Variants in DROSHA observed in about 807,000 individuals in gnomAD.
DROSHA encodes drosha ribonuclease III.
A neutral mutation model predicts 181.9 loss-of-function variants in DROSHA; 56 were observed. The observed-to-expected ratio is 0.31, with a 90% CI of 0.25 to 0.38. The LOEUF (loss-of-function observed/expected upper bound fraction) is 0.38. Ranked by LOEUF, DROSHA falls within the 10% of genes least tolerant of loss-of-function variation. The pLI, the probability that DROSHA is intolerant of heterozygous loss-of-function variation, is 1.00. For synonymous variants in DROSHA, 524 were observed against 591.2 expected, an observed-to-expected ratio of 0.89 and a Z score of 1.65; for missense variants, 1,218 against 1,743.5, an observed-to-expected ratio of 0.70 and a Z score of 5.37.
intron 6 of DROSHA, among the ~76,000 whole-genome samples, chr5:31,517,119 T>C (rs1739352459): frequency 6.6e-6 from 1 of 152,232 alleles, no homozygotes; most frequent in Non-Finnish European, 1.5e-5. Context: ...TTTATCAATA[T>C]TGAAATGAAT....
intron 23 of DROSHA, among the ~76,000 whole-genome samples, chr5:31,446,955 G>T (rs370621456): frequency 6.6e-6 from 1 of 152,122 alleles, no homozygotes; most frequent in South Asian, 2.1e-4. Context: ...CGTGAGAATC[G>T]CTTGAACCCA....
chr5:31,474,321 A>T (rs1282677803), intron 16 of DROSHA, among the ~76,000 whole-genome samples: 3 of 151,852 alleles, frequency 2.0e-5, no homozygotes, highest in African/African-American at 7.3e-5. Flanking sequence ...AGTGTTATGG[A>T]CTCAATGTTT....
chr5:31,482,057 CT>C (rs1751090536), intron 16 of DROSHA, among the ~76,000 whole-genome samples: 1 of 152,164 alleles, frequency 6.6e-6, no homozygotes, highest in Non-Finnish European at 1.5e-5. Context: ...ACAAGGGCTC[CT>C]GCCCAAGGGA....
At chr5:31,489,900 C>T (rs1419321576) in intron 13 of DROSHA, among the ~76,000 whole-genome samples, 2 of 11,352 alleles carry the variant, frequency 1.8e-4, no homozygotes, top group African/African-American at 2.3e-4. Flanking sequence ...TTTTTTGACG[C>T]GGAGTTTCGC....
chr5:31,505,572 G>A (rs1737833040), intron 10 of DROSHA: 1 of 152,194 alleles, frequency 6.6e-6, no homozygotes, highest in African/African-American at 2.4e-5. Flanking sequence ...CACAAGCCAG[G>A]TTCATGAGTT....
chr5:31,459,414 TAAAAAAA>T (rs4050153), intron 20 of DROSHA, among the ~76,000 whole-genome samples: 2 of 130,230 alleles, frequency 1.5e-5, no homozygotes, highest in Non-Finnish European at 3.2e-5. Flanking sequence ...TCCCATGTCT[TAAAAAAA>T]AAAAAAAAAA....
intron 9 of DROSHA, among the ~76,000 whole-genome samples, chr5:31,510,606 A>C (rs1738558172): frequency 6.6e-6 from 1 of 152,232 alleles, no homozygotes; most frequent in South Asian, 2.1e-4. Flanking sequence ...AGCTATGCAA[A>C]CTGTCTACAC....
At chr5:31,467,811 T>C (rs759049012) in intron 18 of DROSHA, 128 bp downstream of exon 18, 5 of 1,244,824 alleles carry the variant, frequency 4.0e-6, no homozygotes, top group South Asian at 1.7e-5. Flanking sequence ...GTAATCTAAA[T>C]TGGAAGTATG....
At chr5:31,476,741 C>A (rs1473542492) in intron 16 of DROSHA, among the ~76,000 whole-genome samples, 1 of 152,186 alleles carries the variant, frequency 6.6e-6, no homozygotes, top group Non-Finnish European at 1.5e-5. Context: ...AAGAGGAGAT[C>A]CATAAATTAG....
chr5:31,410,687 C>A, intron 31 of DROSHA, 59 bp downstream of exon 31: 2 of 1,556,344 alleles, frequency 1.3e-6, no homozygotes, highest in Non-Finnish European at 1.7e-6. Flanking sequence ...AGGACAAATA[C>A]GGTTACTTGG....
chr5:31,457,197 C>G (rs938831001), intron 20 of DROSHA, among the ~76,000 whole-genome samples: 1 of 135,588 alleles, frequency 7.4e-6, no homozygotes, highest in Non-Finnish European at 1.5e-5. Context: ...GATCTCGGCT[C>G]ATTGCAACCT....
chr5:31,420,115 G>C (rs1176308781), intron 30 of DROSHA, among the ~76,000 whole-genome samples: 1 of 152,240 alleles, frequency 6.6e-6, no homozygotes, highest in East Asian at 1.9e-4. Context: ...ATTCTCTCTA[G>C]TTCCAATATT....
intron 19 of DROSHA, among the ~76,000 whole-genome samples, 199 bp downstream of exon 19, chr5:31,465,983 G>T (rs1254510317): frequency 1.3e-5 from 2 of 152,008 alleles, no homozygotes; most frequent in Non-Finnish European, 2.9e-5. Flanking sequence ...GACTAATACA[G>T]GGATAAAAAG....
rs68049196 is a variant in DROSHA, at chr5:31,514,228, A to AAC, written c.1290+758_1290+759dup. Among the ~76,000 whole-genome samples the AAC allele has an allele frequency of 3.3e-4, 49 of 148,418 alleles. No homozygotes were observed. The highest frequency in any genetic ancestry group is 9.4e-4 in the Admixed American group (14 of 14,924). ...CTTCCTTATTTTTCATTTTGGAGAA[A>AAC]ACACACACACACACACACACACACA... On this transcript the variant is annotated intron_variant, in intron 8 of 35. Coordinates refer to ENST00000344624, the MANE Select transcript of DROSHA (RefSeq NM_001382508.1). This position sits in a 1 kb window ranked among gnomAD's most constrained non-coding sequence, Gnocchi z 4.4.
intron 25 of DROSHA, 105 bp from the exon 26 acceptor site, chr5:31,431,783 C>A: frequency 1.1e-6 from 1 of 948,860 alleles, no homozygotes; most frequent in Middle Eastern, 2.1e-4. Flanking sequence ...GAGATGGGGG[C>A]AGCGTAATGG....
chr5:31,480,207 G>A (rs1398627031), intron 16 of DROSHA, among the ~76,000 whole-genome samples: 25 of 48,260 alleles, frequency 5.2e-4, no homozygotes, highest in East Asian at 1.5e-3. Flanking sequence ...TATATATACT[G>A]AAAATACTCA....
intron 15 of DROSHA, 134 bp from the exon 16 acceptor site, chr5:31,483,762 C>T: frequency 1.3e-6 from 1 of 768,258 alleles, no homozygotes; most frequent in Non-Finnish European, 2.1e-6. Context: ...AAATTACCAC[C>T]ACCTCCTGCC....
chr5:31,410,700 TTAAACTC>T, intron 31 of DROSHA, 39 bp downstream of exon 31: 1 of 1,588,678 alleles, frequency 6.3e-7, no homozygotes, highest in Middle Eastern at 1.7e-4. Flanking sequence ...TTACTTGGAC[TTAAACTC>T]TGAACCTGGA....
intron 5 of DROSHA, among the ~76,000 whole-genome samples, chr5:31,525,503 C>CA (rs397970711): frequency 0.077 from 2,774 of 36,214 alleles, 147 homozygotes; most frequent in African/African-American, 0.12. Flanking sequence ...GATTCTGTCA[C>CA]AAAAAAAAAA....
Sources: allele counts gnomAD v4.1 joint callset (sites outside exome capture counted in the v4.1 genomes callset), GRCh38; gene constraint gnomAD v4.1.1; non-coding constraint Gnocchi (gnomAD v3.1); transcripts MANE v1.5; gene names NCBI Gene and HGNC (gene_info 2026-07-23, HGNC 2026-07-21).